Variants in UBXN7 observed in about 807,000 individuals in gnomAD.
The protein encoded by UBXN7 is UBX domain-containing protein 7.
A neutral mutation model predicts 58.0 loss-of-function variants in UBXN7; 9 were observed. The observed-to-expected ratio is 0.16, with a 90% CI of 0.09 to 0.27. The LOEUF is 0.27. Among genes scored for constraint, UBXN7 ranks in the 10% least tolerant of loss-of-function variants. UBXN7 has a pLI of 1.00. For missense variants in UBXN7, 328 were observed against 599.6 expected (o/e 0.55, Z 4.73); for synonymous variants, 208 against 205.0 (o/e 1.01, Z -0.12).
rs55746914 is a variant in UBXN7 at position 196,412,230 on chromosome 3, CA to C, written c.74-4838del. Among the ~76,000 whole-genome samples, 825 of 89,074 alleles carry C rather than the reference CA, an allele frequency of 9.3e-3. 11 individuals carry two copies. In the South Asian group the frequency reaches 0.097, roughly 10 times the overall value. The allele number at this position is 89,074 out of a possible 152,430, so 58.4% of individuals were successfully genotyped here. On this transcript the variant is annotated intron_variant, in intron 1 of 10. Coordinates refer to ENST00000296328, the MANE Select transcript of UBXN7 (RefSeq NM_015562.2). ...TGGGTGACAGAGCGAGACTTTGTCTCAAAAAAAAAAAAAAAAAAAGAAAAAA... is the reference window on the plus strand; with the variant it reads ...TGGGTGACAGAGCGAGACTTTGTCTCAAAAAAAAAAAAAAAAAAGAAAAAA...
chr3:196,388,926 A>G (rs1402807945), intron 5 of UBXN7, among the ~76,000 whole-genome samples: 4 of 149,844 alleles, frequency 2.7e-5, no homozygotes. Context: ...ATTATCAGTG[A>G]AAAAAAAAAT....
At chr3:196,428,262 G>A (rs1730911905) in intron 1 of UBXN7, among the ~76,000 whole-genome samples, 1 of 152,038 alleles carries the variant, frequency 6.6e-6, no homozygotes, top group East Asian at 1.9e-4. Context: ...TGCAAAAAAG[G>A]TTTGTAGCAT....
intron 1 of UBXN7, among the ~76,000 whole-genome samples, chr3:196,426,310 G>A (rs11917782): frequency 0.013 from 1,912 of 150,592 alleles, 42 homozygotes; most frequent in African/African-American, 0.044. Context: ...CACTTGAACC[G>A]GGGAGGCGGA....
rs150144416 is a variant in UBXN7, at chr3:196,367,097, C to T, written c.834+931G>A. 4.2e-3 allele frequency among the ~76,000 whole-genome samples: 631 copies of T among 151,958 alleles called. 4 individuals are homozygous for T. The highest frequency in any genetic ancestry group is 0.014 in the African/African-American group (586 of 41,440). On this transcript the variant is annotated intron_variant, in intron 8 of 10. Coordinates refer to ENST00000296328, the MANE Select transcript of UBXN7 (RefSeq NM_015562.2). ...ACTTGGGAGGCCAAGGCAGGAGAATCGCTTGAACCCAGGAGGCGAAGGTTG... is the reference window on the plus strand; with the variant it reads ...ACTTGGGAGGCCAAGGCAGGAGAATTGCTTGAACCCAGGAGGCGAAGGTTG...
At position 196,356,963 on chromosome 3, in the gene UBXN7, GTTC is replaced by G. The variant is rs763186574; in HGVS notation, c.1309-120_1309-118del. On this transcript the variant is annotated intron_variant, in intron 10 of 10. Coordinates refer to ENST00000296328, the MANE Select transcript of UBXN7 (RefSeq NM_015562.2). The stretch of plus-strand genomic sequence containing the variant: ...ATATTAGATCAGCTATTAAATGTAA[GTTC>G]TTCTTTCATATAACCAAAGCTTGCC... 2.3e-6 allele frequency: 3 copies of G among 1,325,132 alleles called. No individual in the cohort carries two copies. In the South Asian group the frequency reaches 4.4e-5, roughly 19 times the overall value. The allele number at this position is 1,325,132 out of a possible 1,614,324, so 82.1% of individuals were successfully genotyped here.
chr3:196,398,668 G>C (rs190744656), intron 3 of UBXN7, among the ~76,000 whole-genome samples: 2 of 152,286 alleles, frequency 1.3e-5, no homozygotes, highest in East Asian at 3.9e-4. Flanking sequence ...GATGAGGTCT[G>C]TCATCAGTAG....
chr3:196,374,559 A>G (rs1438096694), intron 5 of UBXN7, among the ~76,000 whole-genome samples: 1 of 151,952 alleles, frequency 6.6e-6, no homozygotes, highest in Non-Finnish European at 1.5e-5. Flanking sequence ...ATTTTCAAAC[A>G]AAACAACAAT....
At chr3:196,422,122 C>T (rs929527052) in intron 1 of UBXN7, among the ~76,000 whole-genome samples, 2 of 151,886 alleles carry the variant, frequency 1.3e-5, no homozygotes, top group African/African-American at 4.8e-5. Flanking sequence ...ATCGCTTGAA[C>T]CCAGGAGACA....
At chr3:196,362,057 G>C in intron 9 of UBXN7, 134 bp from the exon 10 acceptor site, 1 of 1,022,854 alleles carries the variant, frequency 9.8e-7, no homozygotes, top group South Asian at 1.6e-5. Context: ...GCAGTGGCGT[G>C]ATCTCAGCTC....
In UBXN7 at chr3:196,407,319, A is replaced by G. The variant is rs778555462; in HGVS notation, c.148T>C (p.Leu50=). ...TCTTCAGCGATTCCTCCACCATCCA[A>G]AAACATAGTGACTGCCATTTCCAGA... ...NNLEMAVTMF[L]DGGGIAEEPS... is the part of the protein sequence containing the mutation. Residue 50 remains leucine, a synonymous_variant, in exon 2 of 11, where the codon TTG becomes CTG. Coordinates refer to ENST00000296328, the MANE Select transcript of UBXN7 (RefSeq NM_015562.2). 6.2e-7 allele frequency: 1 copy of G among 1,614,134 alleles called. No homozygotes were observed. Among genetic ancestry groups the G allele is most frequent in the Non-Finnish European group, 8.5e-7 (1 of 1,180,032 alleles).
intron 8 of UBXN7, among the ~76,000 whole-genome samples, chr3:196,366,223 A>T (rs924048767): frequency 2.0e-5 from 3 of 152,108 alleles, no homozygotes; most frequent in African/African-American, 7.2e-5. Context: ...TTCTAAAACT[A>T]TTTTTAGGCT....
chr3:196,374,541 A>G (rs942316014), intron 5 of UBXN7, among the ~76,000 whole-genome samples: 1 of 151,900 alleles, frequency 6.6e-6, no homozygotes, highest in Non-Finnish European at 1.5e-5. Context: ...GAAGGGTGCA[A>G]AGACACAATT....
rs896405361 is a variant in UBXN7, at chr3:196,354,855, A to G, written c.*1830T>C. On this transcript the variant is annotated 3_prime_UTR_variant, in exon 11 of 11. Coordinates refer to ENST00000296328, the MANE Select transcript of UBXN7 (RefSeq NM_015562.2). Reference sequence around the variant, plus strand: ...AAACCGTAATTATATAAATATATTTATAAATATTTATACAATTATATACTT... The same window carrying G: ...AAACCGTAATTATATAAATATATTTGTAAATATTTATACAATTATATACTT... 6.6e-6 allele frequency: 1 copy of G among 151,404 alleles called. No homozygotes were observed. The highest frequency in any genetic ancestry group is 2.4e-5 in the African/African-American group (1 of 41,356). 9.4% of individuals were successfully genotyped at this position (151,404 alleles called of 1,614,324 possible).
intron 4 of UBXN7, among the ~76,000 whole-genome samples, chr3:196,393,246 AG>A (rs2108846482): frequency 6.6e-6 from 1 of 152,370 alleles, no homozygotes; most frequent in South Asian, 2.1e-4. Context: ...GACAGAAGTC[AG>A]GATCCTGAGG....
At chr3:196,393,152 T>C (rs1461797435) in intron 4 of UBXN7, among the ~76,000 whole-genome samples, 3 of 152,258 alleles carry the variant, frequency 2.0e-5, no homozygotes, top group Admixed American at 6.5e-5. Context: ...AAAATATTAA[T>C]AGTGGCTGCT....
At chr3:196,430,361 AAAT>A (rs34017536) in intron 1 of UBXN7, among the ~76,000 whole-genome samples, 37,738 of 149,936 alleles carry the variant, frequency 0.25, 6,010 homozygotes, top group East Asian at 0.82. Context: ...GACTGTCTCA[AAAT>A]AATAATAATA....
At chr3:196,361,492 G>A (rs1413155891) in intron 10 of UBXN7, among the ~76,000 whole-genome samples, 1 of 152,082 alleles carries the variant, frequency 6.6e-6, no homozygotes, top group African/African-American at 2.4e-5. Flanking sequence ...GGCAGCACAT[G>A]CTACAGAGAA....
At chr3:196,432,183 G>A (rs1056060531) in intron 1 of UBXN7, 144 bp downstream of exon 1, 5 of 1,183,888 alleles carry the variant, frequency 4.2e-6, no homozygotes, top group African/African-American at 1.5e-5. Context: ...CCCCGACGCC[G>A]TCGTCGCCTC....
intron 1 of UBXN7, chr3:196,423,444 C>A: frequency 7.3e-6 from 2 of 272,524 alleles, no homozygotes; most frequent in South Asian, 6.1e-5. Context: ...GTGGCCTGGC[C>A]ACTGTGCCTC....
Sources: allele counts gnomAD v4.1 joint callset (sites outside exome capture counted in the v4.1 genomes callset), GRCh38; gene constraint gnomAD v4.1.1; transcripts MANE v1.5; gene names NCBI Gene and HGNC (gene_info 2026-07-23, HGNC 2026-07-21).